BCL6: variants seen among roughly 807,000 people sequenced by gnomAD.
BCL6 encodes the protein BCL6 transcription repressor.
In BCL6, 7 loss-of-function variants were observed where a neutral mutation model predicts 59.5. That is an observed-to-expected ratio of 0.12 (90% CI 0.07 to 0.22). BCL6 has a LOEUF of 0.22. BCL6 is among the 10% of genes least tolerant of loss of function. BCL6 has a pLI of 1.00. For synonymous variants in BCL6, 339 were observed against 349.7 expected, an observed-to-expected ratio of 0.97 and a Z score of 0.34; for missense variants, 685 against 939.4, an observed-to-expected ratio of 0.73 and a Z score of 3.54.
chr3:187,730,887 C>A (rs1475926384), intron 4 of BCL6, among the ~76,000 whole-genome samples: 1 of 152,220 alleles, frequency 6.6e-6, no homozygotes, highest in Non-Finnish European at 1.5e-5. Flanking sequence ...GAGAAGCTTT[C>A]TAACTGTCCA....
intron 4 of BCL6, among the ~76,000 whole-genome samples, chr3:187,730,466 C>T (rs2889871): frequency 0.096 from 14,548 of 152,286 alleles, 842 homozygotes; most frequent in African/African-American, 0.16. Context: ...AGAATTTATA[C>T]AATGTTGGTA....
intron 7 of BCL6, among the ~76,000 whole-genome samples, chr3:187,726,146 A>G (rs1390062780): frequency 1.3e-5 from 2 of 152,088 alleles, no homozygotes; most frequent in Non-Finnish European, 2.9e-5. Flanking sequence ...TTTAGAACAA[A>G]CAGATTTTTC....
intron 1 of BCL6, among the ~76,000 whole-genome samples, chr3:187,744,532 G>T (rs535290492): frequency 6.6e-6 from 1 of 152,218 alleles, no homozygotes; most frequent in Admixed American, 6.5e-5. Context: ...GGCTCTGAAA[G>T]GAAATAGTAG....
At position 187,728,427 on chromosome 3, in the gene BCL6, G is replaced by T. The variant is rs1347889080; in HGVS notation, c.1473C>A (p.His491Gln). ...QSPQHAEMCL[H>Q]TAGPTFPEEM... ...CCTCAGGGAACGTGGGGCCAGCGGT[G>T]TGGAGGCACATCTCTGCATGCTGTG... Residue 491 changes from histidine to glutamine, a missense_variant, in exon 6 of 10, where the codon CAC (histidine) becomes CAA (glutamine). Transcript: ENST00000406870. 1 of 1,612,612 alleles carries T rather than the reference G, an allele frequency of 6.2e-7. No individual in the cohort carries two copies. The highest frequency in any genetic ancestry group is 8.5e-7 in the Non-Finnish European group (1 of 1,179,504).
Position 187,722,316 on chromosome 3 carries a change from A to ACCC in BCL6, c.*141_*142insGGG. 2.3e-5 allele frequency: 2 copies of ACCC among 88,026 alleles called. No homozygotes were observed. Among genetic ancestry groups the ACCC allele is most frequent in the Non-Finnish European group, 1.7e-5 (1 of 58,928 alleles). 5.5% of individuals were successfully genotyped at this position (88,026 alleles called of 1,614,324 possible). On this transcript the variant is annotated 3_prime_UTR_variant, in exon 10 of 10. Transcript: ENST00000406870. ...CCCAGTCCCCCAGGCCCCGACCCCCACCACCCCCAACCCCCAGCTATGATT... is the reference window on the plus strand; with the variant it reads ...CCCAGTCCCCCAGGCCCCGACCCCCACCCCCACCCCCAACCCCCAGCTATGATT...
intron 1 of BCL6, among the ~76,000 whole-genome samples, chr3:187,744,813 C>T (rs185703861): frequency 4.6e-5 from 7 of 151,862 alleles, no homozygotes; most frequent in East Asian, 3.9e-4. Context: ...AGCGACGGAG[C>T]AAGGAAAGCA....
rs747840886 is a variant in BCL6, at chr3:187,725,113, G to C, written c.1840-35C>G. 9 of 1,612,572 alleles carry C rather than the reference G, an allele frequency of 5.6e-6. No individual in the cohort carries two copies. The highest frequency in any genetic ancestry group is 5.5e-5 in the South Asian group (5 of 90,982). On this transcript the variant is annotated intron_variant, in intron 8 of 9. Transcript: ENST00000406870. The surrounding 1 kb of genome is among the most constrained non-coding windows in gnomAD (Gnocchi z 4.7). ...GAAGAAGGCATGAGAGGTCTTCTGG[G>C]GTGGGCTGCAGGCCTCTGGGCAGCC...
rs569264944 is a variant in BCL6 at position 187,725,491 on chromosome 3, C to A, written c.1839+8G>T. 2 of 1,613,542 alleles carry A rather than the reference C, an allele frequency of 1.2e-6. No individual in the cohort carries two copies. The highest frequency in any genetic ancestry group is 2.7e-5 in the African/African-American group (2 of 74,924). On this transcript the variant is annotated splice_region_variant and intron_variant, in intron 8 of 9. Coordinates refer to ENST00000406870, the MANE Select transcript of BCL6 (RefSeq NM_001706.5). The surrounding 1 kb of genome is among the most constrained non-coding windows in gnomAD (Gnocchi z 4.7). ...TGCCCGCTCCGCTCGCCTGCCCACT[C>A]TGCTCACCTGTACAAATCTGGCTCC...
intron 3 of BCL6, among the ~76,000 whole-genome samples, chr3:187,733,313 T>G (rs372036118): frequency 2.6e-5 from 4 of 152,200 alleles, no homozygotes; most frequent in Non-Finnish European, 2.9e-5. Context: ...TCTCCCTCTA[T>G]GCCCACAGAA....
At position 187,722,604 on chromosome 3, in the gene BCL6, G is replaced by A. The variant is rs2108553615; in HGVS notation, c.1978-3C>T. On this transcript the variant is annotated splice_region_variant and splice_polypyrimidine_tract_variant and intron_variant, in intron 9 of 9. Transcript: ENST00000406870. ...AAATGCAGGTTACACTTCTCACACT[G>A]CAGGGATATCAGAGGCAAACTGTTA... 1.2e-6 allele frequency: 2 copies of A among 1,611,998 alleles called. No individual in the cohort carries two copies. Among genetic ancestry groups the A allele is most frequent in the Non-Finnish European group, 1.7e-6 (2 of 1,179,000 alleles).
At chr3:187,745,255 A>C (rs557281536) in intron 1 of BCL6, among the ~76,000 whole-genome samples, 155 bp downstream of exon 1, 1 of 152,274 alleles carries the variant, frequency 6.6e-6, no homozygotes, top group South Asian at 2.1e-4. Context: ...TACACATAGA[A>C]AACTTGGAGC....
rs1365905276 is a variant in BCL6, at chr3:187,729,910, G to T, written c.495C>A (p.Asn165Lys). 6.2e-7 allele frequency: 1 copy of T among 1,614,106 alleles called. No homozygotes were observed. Among genetic ancestry groups the T allele is most frequent in the South Asian group, 1.1e-5 (1 of 91,064 alleles). The change falls in exon 5 of 10, where the codon AAC becomes AAA. Residue 165 changes from asparagine to lysine, a missense_variant. Physicochemically the swap from Asn to Lys is moderately conservative, Grantham distance 94 (BLOSUM62 0). Coordinates refer to ENST00000406870, the MANE Select transcript of BCL6 (RefSeq NM_001706.5). The surrounding 1 kb of genome is among the most constrained non-coding windows in gnomAD (Gnocchi z 5.6). ...CAGGGGCGCTCCTCAGTGGCAGGTT[G>T]TTCTCCACCACCTCACGACCCCGAT... ...MAYRGREVVENNLPLRSAPGC... is the reference protein window; with the variant it reads ...MAYRGREVVEKNLPLRSAPGC...
Position 187,733,593 on chromosome 3 carries a change from A to G in BCL6, c.101T>C (p.Val34Ala). 1 of 1,614,126 alleles carries G rather than the reference A, an allele frequency of 6.2e-7. No individual in the cohort carries two copies. The highest frequency in any genetic ancestry group is 8.5e-7 in the Non-Finnish European group (1 of 1,180,022). ...RLRSRDILTDVVIVVSREQFR... is the reference protein window; with the variant it reads ...RLRSRDILTDAVIVVSREQFR... ...CTGCTCACGGCTCACAACAATGACAACATCAGTCAAGATGTCTCGACTCCG... is the reference window on the plus strand; with the variant it reads ...CTGCTCACGGCTCACAACAATGACAGCATCAGTCAAGATGTCTCGACTCCG... Residue 34 changes from valine to alanine, a missense_variant, in exon 3 of 10, where the codon GTT (valine) becomes GCT (alanine). Physicochemically the swap from Val to Ala is moderately conservative, Grantham distance 64 (BLOSUM62 0). Transcript: ENST00000406870.
Position 187,724,979 on chromosome 3 carries a change from T to C in BCL6, c.1939A>G (p.Ser647Gly). Residue 647 changes from serine to glycine, a missense_variant, in exon 9 of 10, where the codon AGC (serine) becomes GGC (glycine). Ser to Gly is a moderately conservative substitution (Grantham distance 56). Transcript: ENST00000406870. Reference sequence around the variant, plus strand: ...TCTCCTGTGTGGATTCGCAGGTGGCTCTTCAGAGTCTGAAGGTGCCGGAAA... The same window carrying C: ...TCTCCTGTGTGGATTCGCAGGTGGCCCTTCAGAGTCTGAAGGTGCCGGAAA... Reference protein sequence around the residue: ...TRFRHLQTLKSHLRIHTGEKP... With the variant: ...TRFRHLQTLKGHLRIHTGEKP... 1 of 1,613,930 alleles carries C rather than the reference T, an allele frequency of 6.2e-7. No individual in the cohort carries two copies. The highest frequency in any genetic ancestry group is 8.5e-7 in the Non-Finnish European group (1 of 1,179,968).
At position 187,722,339 on chromosome 3, in the gene BCL6, A is replaced by T; in HGVS notation, c.*119T>A. ...CCACCACCCCCAACCCCCAGCTATG[A>T]TTTGCACTAGTGGATGAAAGAGGCA... On this transcript the variant is annotated 3_prime_UTR_variant, in exon 10 of 10. Transcript: ENST00000406870. The T allele has an allele frequency of 3.1e-5, 8 of 258,536 alleles. No individual in the cohort carries two copies. Among genetic ancestry groups the T allele is most frequent in the Non-Finnish European group, 4.8e-5 (8 of 168,188 alleles). The allele number at this position is 258,536 out of a possible 1,614,324, so 16.0% of individuals were successfully genotyped here.
rs748367275 is a variant in BCL6 at position 187,729,230 on chromosome 3, G to A, written c.1175C>T (p.Pro392Leu). Residue 392 changes from proline (P) to leucine (L), a missense_variant, in exon 5 of 10, where the codon CCA becomes CTA. Physicochemically the swap from Pro to Leu is moderately conservative, Grantham distance 98. Around this residue, in one of 7 missense-constraint regions of BCL6, gnomAD observed 207 missense variants for 213.7 expected, o/e 0.97. Coordinates refer to ENST00000406870, the MANE Select transcript of BCL6 (RefSeq NM_001706.5). The surrounding 1 kb of genome is among the most constrained non-coding windows in gnomAD (Gnocchi z 5.6). ...CAGCTCAGCCTGCTCAGGCCCCTCTGGTTTGGCATTCTGGTTGAGGCTGTT... is the reference window on the plus strand; with the variant it reads ...CAGCTCAGCCTGCTCAGGCCCCTCTAGTTTGGCATTCTGGTTGAGGCTGTT... ...VLNSLNQNAK[P>L]EGPEQAELGR... is the part of the protein sequence containing the mutation. 2 of 1,614,158 alleles carry A rather than the reference G, an allele frequency of 1.2e-6. No individual in the cohort carries two copies. Among genetic ancestry groups the A allele is most frequent in the Admixed American group, 3.3e-5 (2 of 60,030 alleles).
chr3:187,738,188 C>T (rs1323467332), intron 1 of BCL6, among the ~76,000 whole-genome samples: 1 of 152,144 alleles, frequency 6.6e-6, no homozygotes, highest in Non-Finnish European at 1.5e-5. Flanking sequence ...AGGCTCATAT[C>T]GAGACTTTAA....
rs1718920609 is a variant in BCL6 at position 187,729,594 on chromosome 3, T to A, written c.811A>T (p.Ser271Cys). 6.2e-7 allele frequency: 1 copy of A among 1,614,042 alleles called. No individual in the cohort carries two copies. The highest frequency in any genetic ancestry group is 1.3e-5 in the African/African-American group (1 of 74,914). ...TCAGCCACACTGTAGTGCATATCAC[T>A]TCGTGCCTCTTCTGGGATTGTTTCC... is the stretch of plus-strand genomic sequence containing the variant. The part of the protein sequence containing the change: ...PKETIPEEAR[S>C]DMHYSVAEGL... The change falls in exon 5 of 10, where the codon AGT becomes TGT. Residue 271 changes from serine to cysteine, a missense_variant. By Grantham distance (112) the Ser-to-Cys change is moderately radical (BLOSUM62 -1). Transcript: ENST00000406870. The surrounding 1 kb of genome is among the most constrained non-coding windows in gnomAD (Gnocchi z 5.6).
At chr3:187,745,211 A>G (rs552709522) in intron 1 of BCL6, among the ~76,000 whole-genome samples, 199 bp downstream of exon 1, 4 of 152,344 alleles carry the variant, frequency 2.6e-5, no homozygotes, top group South Asian at 2.1e-4. Flanking sequence ...CCTGACAGCT[A>G]GAATAAATAA....
Sources: gnomAD v4.1 joint callset for allele counts (sites outside exome capture counted in the v4.1 genomes callset) on GRCh38, gnomAD v4.1.1 for gene constraint, gnomAD v4.1.1 regional missense constraint, Gnocchi (gnomAD v3.1) non-coding constraint, MANE v1.5 for transcripts, NCBI Gene and HGNC (gene_info 2026-07-23, HGNC 2026-07-21) for gene names.